Variants in CEP20 observed in about 807,000 individuals in gnomAD.
The protein encoded by CEP20 is FGFR1OP N-terminal like.
Under a neutral mutation model 20.0 loss-of-function variants are expected in CEP20, and 18 were observed. That is an observed-to-expected ratio of 0.90 (90% CI 0.62 to 1.34). The LOEUF is 1.34. CEP20 is among the 40% of genes most tolerant of loss of function. CEP20 has a pLI of 0.00. For missense variants in CEP20, 215 were observed against 201.6 expected, an observed-to-expected ratio of 1.07 and a Z score of -0.40; for synonymous variants, 77 against 73.7, an observed-to-expected ratio of 1.04 and a Z score of -0.23.
At chr16:15,872,708 AC>A (rs1382709192) in intron 4 of CEP20, among the ~76,000 whole-genome samples, 1 of 130,514 alleles carries the variant, frequency 7.7e-6, no homozygotes, top group African/African-American at 3.6e-5. Flanking sequence ...TAGAAAAAAT[AC>A]ATAAAAATTT....
intron 3 of CEP20, chr16:15,877,234 C>T (rs2044976522): frequency 6.6e-6 from 1 of 152,418 alleles, no homozygotes; most frequent in South Asian, 2.1e-4. Flanking sequence ...TGTACCGCTC[C>T]AATTTTAGTT....
At chr16:15,871,218 T>G (rs1733396262) in intron 4 of CEP20, among the ~76,000 whole-genome samples, 1 of 152,002 alleles carries the variant, frequency 6.6e-6, no homozygotes, top group African/African-American at 2.4e-5. Context: ...ATTGTGCCAT[T>G]GCACTCCAGC....
chr16:15,883,822 T>C (rs191752965), intron 2 of CEP20, among the ~76,000 whole-genome samples, 186 bp downstream of exon 2: 17 of 152,334 alleles, frequency 1.1e-4, no homozygotes, highest in African/African-American at 4.1e-4. Flanking sequence ...TTTAAGTGAT[T>C]ATTTAGTTAT....
intron 3 of CEP20, among the ~76,000 whole-genome samples, chr16:15,877,717 C>A (rs2044989147): frequency 6.6e-6 from 1 of 152,002 alleles, no homozygotes. Flanking sequence ...TTCGAGGCTG[C>A]AGTGAGCCAT....
intron 3 of CEP20, among the ~76,000 whole-genome samples, chr16:15,878,419 A>G (rs973705755): frequency 3.3e-5 from 5 of 152,212 alleles, no homozygotes; most frequent in African/African-American, 4.8e-5. Flanking sequence ...TTAATTTTAC[A>G]CAAGGATTTG....
chr16:15,876,879 T>G (rs1210248651), intron 3 of CEP20, among the ~76,000 whole-genome samples: 4 of 144,824 alleles, frequency 2.8e-5, no homozygotes, highest in Non-Finnish European at 3.0e-5. Context: ...GGAAACGGAG[T>G]CTCGCTTCTG....
Position 15,884,064 on chromosome 16 carries a change from A to G in CEP20, c.170T>C (p.Ile57Thr), listed in dbSNP as rs767867287. ...SHENLLINEL[I>T]REYLEFNKYK... ...TTTGTTGAATTCTAAATACTCTCGAATTAATTCATTAATTAGAAGGTTTTC... is the reference window on the plus strand; with the variant it reads ...TTTGTTGAATTCTAAATACTCTCGAGTTAATTCATTAATTAGAAGGTTTTC... The change falls in exon 2 of 5, where the codon ATT becomes ACT. Residue 57 changes from isoleucine to threonine, a missense_variant. Ile to Thr is a moderately conservative substitution (Grantham distance 89). Coordinates refer to ENST00000255759, the MANE Select transcript of CEP20 (RefSeq NM_144600.4). The G allele has an allele frequency of 2.5e-6, 4 of 1,613,990 alleles. No individual in the cohort carries two copies. In the South Asian group the frequency reaches 4.4e-5, roughly 18 times the overall value.
chr16:15,871,192 G>A (rs1010701505), intron 4 of CEP20, among the ~76,000 whole-genome samples: 3 of 152,090 alleles, frequency 2.0e-5, no homozygotes, highest in Admixed American at 6.6e-5. Context: ...GGAGGCGGAG[G>A]TTGCAGTGAG....
At chr16:15,873,357 C>CA in intron 4 of CEP20, 134 bp downstream of exon 4, 1 of 1,067,858 alleles carries the variant, frequency 9.4e-7, no homozygotes. Flanking sequence ...CTTGGAGTAA[C>CA]ATAGGCTAGA....
rs2044670924 is a variant in CEP20 at position 15,866,052 on chromosome 16, T to A, written c.*1388A>T. On this transcript the variant is annotated 3_prime_UTR_variant, in exon 5 of 5. Transcript: ENST00000255759. ...CATCAATGTAATCAGATATTGCAGATTTAAAAATGGAAAATGGACTCTTGC... is the reference window on the plus strand; with the variant it reads ...CATCAATGTAATCAGATATTGCAGAATTAAAAATGGAAAATGGACTCTTGC... The A allele has an allele frequency of 6.6e-6, 1 of 152,178 alleles. No homozygotes were observed. The highest frequency in any genetic ancestry group is 1.5e-5 in the Non-Finnish European group (1 of 68,032). The allele number at this position is 152,178 out of a possible 1,614,324, so 9.4% of individuals were successfully genotyped here.
chr16:15,869,938 T>C (rs995939090), intron 4 of CEP20, among the ~76,000 whole-genome samples: 6 of 152,218 alleles, frequency 3.9e-5, no homozygotes, highest in Admixed American at 3.3e-4. Flanking sequence ...TCAGCAGTCA[T>C]CCTCATTTCT....
intron 4 of CEP20, among the ~76,000 whole-genome samples, chr16:15,873,081 G>GT (rs929361024): frequency 3.7e-4 from 55 of 149,690 alleles, no homozygotes; most frequent in Middle Eastern, 3.6e-3. Context: ...GTATTTTTTT[G>GT]TTTTTTTTTA....
In CEP20 at chr16:15,884,069, T is replaced by C. The variant is rs2045178357; in HGVS notation, c.165A>G (p.Glu55=). The C allele has an allele frequency of 6.2e-7, 1 of 1,613,910 alleles. No individual in the cohort carries two copies. The highest frequency in any genetic ancestry group is 1.3e-5 in the African/African-American group (1 of 74,934). ...TGAATTCTAAATACTCTCGAATTAATTCATTAATTAGAAGGTTTTCATGAG... is the reference window on the plus strand; with the variant it reads ...TGAATTCTAAATACTCTCGAATTAACTCATTAATTAGAAGGTTTTCATGAG... ...SLSHENLLIN[E]LIREYLEFNK... Residue 55 remains glutamate (E), a synonymous_variant, in exon 2 of 5, where the codon GAA becomes GAG. Transcript: ENST00000255759.
At chr16:15,878,456 T>C (rs1471044282) in intron 3 of CEP20, among the ~76,000 whole-genome samples, 1 of 151,966 alleles carries the variant, frequency 6.6e-6, no homozygotes, top group Non-Finnish European at 1.5e-5. Flanking sequence ...AACTGGAATG[T>C]CATTTAAAAC....
rs920402348 is a variant in CEP20 at position 15,884,298 on chromosome 16, A to T, written c.29-93T>A. 4.3e-6 allele frequency: 5 copies of T among 1,149,440 alleles called. No individual in the cohort carries two copies. The African/African-American group carries it at 7.7e-5, about 18-fold the overall frequency. 71.2% of individuals were successfully genotyped at this position (1,149,440 alleles called of 1,614,324 possible). On this transcript the variant is annotated intron_variant, in intron 1 of 4. Transcript: ENST00000255759. ...AAGAAATGTTGAAAAGGTAAATGGT[A>T]CAAAAACAGCTCTCAAGCAGCTCTT...
intron 4 of CEP20, among the ~76,000 whole-genome samples, chr16:15,870,436 T>G (rs1403427551): frequency 6.6e-6 from 1 of 152,184 alleles, no homozygotes; most frequent in Non-Finnish European, 1.5e-5. Flanking sequence ...ACTACATTTT[T>G]AAATATGCAT....
At chr16:15,869,325 TTTTGAGACAGAG>T (rs2044757654) in intron 4 of CEP20, among the ~76,000 whole-genome samples, 1 of 150,020 alleles carries the variant, frequency 6.7e-6, no homozygotes, top group African/African-American at 2.4e-5. Context: ...TTTTTTTTTT[TTTTGAGACAGAG>T]TCTCGCTCTG....
chr16:15,870,815 AT>A (rs2044795800), intron 4 of CEP20, among the ~76,000 whole-genome samples: 1 of 151,954 alleles, frequency 6.6e-6, no homozygotes, highest in African/African-American at 2.4e-5. Context: ...CATCTCTAAA[AT>A]TAAAAAAAGG....
At chr16:15,872,127 A>G (rs954027151) in intron 4 of CEP20, among the ~76,000 whole-genome samples, 11 of 152,158 alleles carry the variant, frequency 7.2e-5, no homozygotes, top group Admixed American at 2.0e-4. Context: ...ATCCTGGCTA[A>G]CACAGGGAAA....
Sources: allele counts gnomAD v4.1 joint callset (sites outside exome capture counted in the v4.1 genomes callset), GRCh38; gene constraint gnomAD v4.1.1; transcripts MANE v1.5; gene names NCBI Gene and HGNC (gene_info 2026-07-23, HGNC 2026-07-21).